The following DPYD variants were observed in gnomAD, a reference collection of about 807,000 sequenced individuals.
DPYD encodes the protein dihydropyrimidine dehydrogenase [NADP(+)].
A neutral mutation model predicts 116.2 loss-of-function variants in DPYD; 109 were observed. The observed-to-expected ratio is 0.94, with a 90% CI of 0.80 to 1.10. The LOEUF (loss-of-function observed/expected upper bound fraction) is 1.10, where lower values mean the gene tolerates loss of function less well. Among genes scored for constraint, DPYD ranks in the 50% least tolerant of loss-of-function variants. The pLI, the probability that DPYD is intolerant of heterozygous loss-of-function variation, is 0.00. For synonymous variants in DPYD, 440 were observed against 432.0 expected (o/e 1.02, Z -0.23); for missense variants, 1,302 against 1,254.5 (o/e 1.04, Z -0.57).
rs539189354 is a variant in DPYD at position 97,601,291 on chromosome 1, CATT to C, written c.851-6128_851-6126del. Among the ~76,000 whole-genome samples the C allele has an allele frequency of 3.6e-3, 546 of 151,914 alleles. 2 individuals are homozygous for C. The highest frequency in any genetic ancestry group is 0.012 in the African/African-American group (507 of 41,464). Reference sequence around the variant, plus strand: ...TCTAAAATAACATTAAAATGTAAGTCATTATTACTGTCTTTGGTAAAATATAAA... The same window carrying C: ...TCTAAAATAACATTAAAATGTAAGTCATTACTGTCTTTGGTAAAATATAAA... On this transcript the variant is annotated intron_variant, in intron 8 of 22. Coordinates refer to ENST00000370192, the MANE Select transcript of DPYD (RefSeq NM_000110.4).
intron 2 of DPYD, among the ~76,000 whole-genome samples, chr1:97,875,386 TG>T (rs1411302330): frequency 6.6e-6 from 1 of 151,970 alleles, no homozygotes; most frequent in Non-Finnish European, 1.5e-5. Context: ...AACACATAGA[TG>T]GGCATTAAAA....
At chr1:97,624,660 C>G (rs1656821476) in intron 8 of DPYD, among the ~76,000 whole-genome samples, 1 of 152,012 alleles carries the variant, frequency 6.6e-6, no homozygotes, top group African/African-American at 2.4e-5. Context: ...GACATGTCTG[C>G]ACCCCCATGT....
chr1:97,228,481 C>A (rs1454350894), intron 19 of DPYD, among the ~76,000 whole-genome samples: 1 of 152,052 alleles, frequency 6.6e-6, no homozygotes, highest in Non-Finnish European at 1.5e-5. Flanking sequence ...TTTGAAATTA[C>A]TAATTTGAGT....
At chr1:97,794,301 CATATCTG>C (rs1295032173) in intron 3 of DPYD, among the ~76,000 whole-genome samples, 2 of 152,092 alleles carry the variant, frequency 1.3e-5, no homozygotes, top group Non-Finnish European at 2.9e-5. Context: ...TTTCAAGGCA[CATATCTG>C]ATAAGAACTT....
At chr1:97,545,569 GA>G (rs1386368351) in intron 12 of DPYD, 1 of 457,782 alleles carries the variant, frequency 2.2e-6, no homozygotes, top group African/African-American at 2.0e-5. Flanking sequence ...TGGTGAATAT[GA>G]AAAGTAGATT....
chr1:97,611,271 C>T (rs1458226175), intron 8 of DPYD, among the ~76,000 whole-genome samples: 1 of 151,982 alleles, frequency 6.6e-6, no homozygotes, highest in East Asian at 1.9e-4. Context: ...GACCCATTTA[C>T]TATCACGAGA....
intron 3 of DPYD, chr1:97,797,202 A>G (rs1186071943): frequency 6.6e-6 from 1 of 152,158 alleles, no homozygotes; most frequent in African/African-American, 2.4e-5. Flanking sequence ...AATTATTACT[A>G]TGCTATTGGA....
At chr1:97,380,154 C>T (rs1267144982) in intron 15 of DPYD, among the ~76,000 whole-genome samples, 2 of 152,220 alleles carry the variant, frequency 1.3e-5, no homozygotes, top group South Asian at 2.1e-4. Flanking sequence ...GATCCATTTA[C>T]AAGTGAATAT....
At chr1:97,589,203 T>G (rs2102239813) in intron 10 of DPYD, among the ~76,000 whole-genome samples, 1 of 152,360 alleles carries the variant, frequency 6.6e-6, no homozygotes, top group African/African-American at 2.4e-5. Context: ...GATTAAAACA[T>G]TCCTGAGTCT....
intron 8 of DPYD, among the ~76,000 whole-genome samples, chr1:97,660,665 C>T (rs1173502950): frequency 6.6e-6 from 1 of 152,062 alleles, no homozygotes; most frequent in Non-Finnish European, 1.5e-5. Context: ...TCTAGTAAAG[C>T]CTTCCTACTC....
chr1:97,643,224 A>T (rs1033870470), intron 8 of DPYD, among the ~76,000 whole-genome samples: 1 of 152,194 alleles, frequency 6.6e-6, no homozygotes, highest in East Asian at 1.9e-4. Flanking sequence ...CAAGGAACTT[A>T]AACAAATTTA....
intron 2 of DPYD, chr1:97,855,399 T>A (rs951870911): frequency 6.6e-6 from 1 of 152,084 alleles, no homozygotes; most frequent in African/African-American, 2.4e-5. Context: ...GGAGTTTTTG[T>A]CACTTTAGAA....
intron 18 of DPYD, among the ~76,000 whole-genome samples, chr1:97,282,694 G>C (rs1665404333): frequency 6.6e-6 from 1 of 151,958 alleles, no homozygotes; most frequent in African/African-American, 2.4e-5. Flanking sequence ...AATCATCATA[G>C]GTAGTTTCTA....
chr1:97,782,084 T>C (rs1225342909), intron 3 of DPYD, among the ~76,000 whole-genome samples: 4 of 152,214 alleles, frequency 2.6e-5, no homozygotes, highest in African/African-American at 4.8e-5. Context: ...AAGGTAACCA[T>C]GTAGGGACAG....
intron 13 of DPYD, among the ~76,000 whole-genome samples, chr1:97,513,856 T>A (rs1214701826): frequency 6.6e-6 from 1 of 151,858 alleles, no homozygotes. Flanking sequence ...AGTAGACCTC[T>A]ATGAGGCAAA....
intron 9 of DPYD, 147 bp downstream of exon 9, chr1:97,594,912 C>A (rs1386736274): frequency 1.6e-6 from 1 of 618,600 alleles, no homozygotes; most frequent in East Asian, 3.0e-5. Context: ...TTATACCCGG[C>A]CTTTTTTTTT....
intron 13 of DPYD, among the ~76,000 whole-genome samples, chr1:97,502,129 A>G (rs1679619664): frequency 6.6e-6 from 1 of 152,054 alleles, no homozygotes; most frequent in African/African-American, 2.4e-5. Flanking sequence ...TGAATGATTT[A>G]AAAGTCATAA....
In DPYD at chr1:97,720,089, G is replaced by T. The variant is rs141006335; in HGVS notation, c.483+1421C>A. On this transcript the variant is annotated intron_variant, in intron 5 of 22. Transcript: ENST00000370192. Reference sequence around the variant, plus strand: ...AGAGGGACAGTGTTCCCAGAGAAAAGAATTAAAACCATGTGAGAGTTTCCA... The same window carrying T: ...AGAGGGACAGTGTTCCCAGAGAAAATAATTAAAACCATGTGAGAGTTTCCA... 141 of 984,662 alleles carry T rather than the reference G, an allele frequency of 1.4e-4. No individual in the cohort carries two copies. The African/African-American group carries it at 2.2e-3, about 15-fold the overall frequency. 61.0% of individuals were successfully genotyped at this position (984,662 alleles called of 1,614,324 possible). A position where few individuals can be genotyped will look rare whatever the true frequency, so the allele number is the denominator to read the frequency against.
At chr1:97,743,440 C>T (rs77042643) in intron 3 of DPYD, among the ~76,000 whole-genome samples, 1 of 152,202 alleles carries the variant, frequency 6.6e-6, no homozygotes, top group African/African-American at 2.4e-5. Context: ...AACCACTGCA[C>T]TGGAATGCAT....
Sources: gnomAD v4.1 joint callset for allele counts (sites outside exome capture counted in the v4.1 genomes callset) on GRCh38, gnomAD v4.1.1 for gene constraint, MANE v1.5 for transcripts, NCBI Gene and HGNC (gene_info 2026-07-23, HGNC 2026-07-21) for gene names.